NARS2: variants seen among roughly 807,000 people sequenced by gnomAD.
The protein encoded by NARS2 is asparaginyl-tRNA synthetase 2, mitochondrial, also known as asparaginyl-tRNA synthetase.
In NARS2, 60 loss-of-function variants were observed where a neutral mutation model predicts 62.9. That is an observed-to-expected ratio of 0.95 (90% CI 0.77 to 1.18). The LOEUF (loss-of-function observed/expected upper bound fraction) is 1.18. Ranked by LOEUF, NARS2 falls within the 50% of genes most tolerant of loss-of-function variation. The pLI, the probability that NARS2 is intolerant of heterozygous loss-of-function variation, is 0.00. For missense variants in NARS2, 619 were observed against 576.4 expected, an observed-to-expected ratio of 1.07 and a Z score of -0.76; for synonymous variants, 196 against 200.0, an observed-to-expected ratio of 0.98 and a Z score of 0.17.
chr11:78,519,722 C>T (rs569249053), intron 6 of NARS2, among the ~76,000 whole-genome samples: 8 of 147,734 alleles, frequency 5.4e-5, no homozygotes, highest in Non-Finnish European at 1.0e-4. Context: ...TTTTTTGAGA[C>T]GGAGTTTCAC....
chr11:78,464,737 C>G (rs551175929), intron 11 of NARS2, among the ~76,000 whole-genome samples: 2 of 151,806 alleles, frequency 1.3e-5, no homozygotes, highest in African/African-American at 2.4e-5. Flanking sequence ...TAGCTAGAAA[C>G]AGAGTGTCCA....
intron 11 of NARS2, among the ~76,000 whole-genome samples, chr11:78,448,187 A>G (rs1192064393): frequency 1.3e-5 from 2 of 152,160 alleles, no homozygotes; most frequent in Admixed American, 6.5e-5. Context: ...TACTTATTAT[A>G]TATATGAAAC....
chr11:78,557,834 C>A (rs537799302), intron 5 of NARS2, among the ~76,000 whole-genome samples: 61 of 143,230 alleles, frequency 4.3e-4, no homozygotes, highest in African/African-American at 1.3e-3. Flanking sequence ...ATATATATCT[C>A]TCTTATATTT....
chr11:78,537,931 T>G (rs1397087376), intron 5 of NARS2, among the ~76,000 whole-genome samples: 1 of 152,230 alleles, frequency 6.6e-6, no homozygotes, highest in Non-Finnish European at 1.5e-5. Flanking sequence ...TTTTCATGGT[T>G]ACAGTCGCCT....
At chr11:78,542,569 A>G (rs1855663122) in intron 5 of NARS2, among the ~76,000 whole-genome samples, 1 of 152,192 alleles carries the variant, frequency 6.6e-6, no homozygotes, top group South Asian at 2.1e-4. Flanking sequence ...TATGCTCCAG[A>G]GTTAAGTCTC....
chr11:78,512,462 C>A (rs1455767235), intron 6 of NARS2, among the ~76,000 whole-genome samples: 2 of 152,184 alleles, frequency 1.3e-5, no homozygotes, highest in African/African-American at 2.4e-5. Flanking sequence ...ATTTCAGTGC[C>A]TGCACAGGAG....
intron 11 of NARS2, among the ~76,000 whole-genome samples, chr11:78,464,015 G>C (rs1471550209): frequency 6.6e-6 from 1 of 152,212 alleles, no homozygotes; most frequent in Non-Finnish European, 1.5e-5. Context: ...GACCCTCACG[G>C]TGAGTGTTAC....
intron 7 of NARS2, among the ~76,000 whole-genome samples, chr11:78,488,410 G>A (rs1360927845): frequency 6.6e-6 from 1 of 152,132 alleles, no homozygotes; most frequent in African/African-American, 2.4e-5. Flanking sequence ...TGGTTTTTAA[G>A]ATCTGTGAGC....
chr11:78,517,430 T>C (rs1212244090), intron 6 of NARS2, among the ~76,000 whole-genome samples: 3 of 152,176 alleles, frequency 2.0e-5, no homozygotes, highest in Admixed American at 6.5e-5. Context: ...ATGTTAGAAA[T>C]AGGAATTTCA....
intron 9 of NARS2, among the ~76,000 whole-genome samples, chr11:78,472,498 A>G (rs1299180157): frequency 6.6e-6 from 1 of 152,236 alleles, no homozygotes; most frequent in Admixed American, 6.5e-5. Context: ...TTTCAGAACC[A>G]TAATAATATA....
intron 9 of NARS2, among the ~76,000 whole-genome samples, chr11:78,473,483 T>C (rs1182333677): frequency 1.3e-5 from 2 of 152,208 alleles, no homozygotes; most frequent in African/African-American, 2.4e-5. Flanking sequence ...GAGAATATCA[T>C]GCCACTTGGG....
chr11:78,499,555 T>C (rs1048028398), intron 6 of NARS2, among the ~76,000 whole-genome samples: 5 of 152,226 alleles, frequency 3.3e-5, no homozygotes, highest in Admixed American at 1.3e-4. Context: ...CAGAAGGCAC[T>C]AGAGAGTAAC....
At chr11:78,494,031 G>A (rs921703137) in intron 6 of NARS2, among the ~76,000 whole-genome samples, 10 of 152,158 alleles carry the variant, frequency 6.6e-5, no homozygotes, top group African/African-American at 2.4e-4. Flanking sequence ...AGTCCTTGAC[G>A]ACCACCTGTC....
chr11:78,512,685 C>G (rs7947824), intron 6 of NARS2, among the ~76,000 whole-genome samples: 120,796 of 152,138 alleles, frequency 0.79, 48,358 homozygotes, highest in African/African-American at 0.84. Context: ...TTTTGGCAAG[C>G]ATAACATTAT....
intron 7 of NARS2, among the ~76,000 whole-genome samples, chr11:78,490,423 A>G (rs1198367837): frequency 2.6e-5 from 4 of 152,262 alleles, no homozygotes; most frequent in Admixed American, 2.0e-4. Context: ...TCTGGTTCAC[A>G]GTATTCCTGG....
chr11:78,478,591 G>T lies in NARS2; in HGVS notation c.915C>A (p.Gly305=). 1 of 1,603,632 alleles carries T rather than the reference G, an allele frequency of 6.2e-7. No individual in the cohort carries two copies. The highest frequency in any genetic ancestry group is 8.5e-7 in the Non-Finnish European group (1 of 1,172,156). ...TATCCATAAAACTAATTACCTTTTG[G>T]CCAGGTGCTATGAATTTGTGACAGA... ...VELCHKFIAP[G]QKDRLEHMLK... is the part of the protein sequence containing the mutation. The change falls in exon 8 of 14, where the codon GGC becomes GGA. Residue 305 remains glycine, a synonymous_variant. Coordinates refer to ENST00000281038, the MANE Select transcript of NARS2 (RefSeq NM_024678.6).
At chr11:78,535,910 C>G (rs1321918127) in intron 5 of NARS2, among the ~76,000 whole-genome samples, 1 of 152,002 alleles carries the variant, frequency 6.6e-6, no homozygotes, top group African/African-American at 2.4e-5. Context: ...AGCCACCGAG[C>G]CCAGCAAGTT....
At chr11:78,466,881 G>A (rs1003432884) in intron 10 of NARS2, among the ~76,000 whole-genome samples, 20 of 152,294 alleles carry the variant, frequency 1.3e-4, no homozygotes, top group Non-Finnish European at 1.8e-4. Context: ...AAATACTAAT[G>A]TGCCTATTAA....
intron 6 of NARS2, among the ~76,000 whole-genome samples, chr11:78,495,659 C>T (rs1416532642): frequency 6.6e-6 from 1 of 152,082 alleles, no homozygotes; most frequent in African/African-American, 2.4e-5. Context: ...AAAGCACATC[C>T]TCACAAACGG....
Sources: allele counts gnomAD v4.1 joint callset (sites outside exome capture counted in the v4.1 genomes callset), GRCh38; gene constraint gnomAD v4.1.1; transcripts MANE v1.5; gene names NCBI Gene and HGNC (gene_info 2026-07-23, HGNC 2026-07-21).